ZNF521: variants seen among roughly 807,000 people sequenced by gnomAD.
ZNF521 encodes zinc finger protein 521.
Under a neutral mutation model 105.5 loss-of-function variants are expected in ZNF521, and 14 were observed. That is an observed-to-expected ratio of 0.13 (90% confidence interval 0.09 to 0.21). The LOEUF (loss-of-function observed/expected upper bound fraction) is 0.21, where lower values mean the gene tolerates loss of function less well. ZNF521 is among the 10% of genes least tolerant of loss of function. ZNF521 has a pLI of 1.00. For missense variants in ZNF521, 1,233 were observed against 1,629.7 expected (o/e 0.76, Z 4.19); for synonymous variants, 635 against 606.0 (o/e 1.05, Z -0.70).
At chr18:25,270,801 C>A (rs1243844079) in intron 3 of ZNF521, among the ~76,000 whole-genome samples, 4 of 152,080 alleles carry the variant, frequency 2.6e-5, no homozygotes, top group African/African-American at 9.7e-5. Flanking sequence ...CTATTTATGA[C>A]AAGCCCACAG....
intron 4 of ZNF521, among the ~76,000 whole-genome samples, chr18:25,218,503 A>C (rs1211331064): frequency 6.6e-6 from 1 of 151,034 alleles, no homozygotes; most frequent in African/African-American, 2.4e-5. Context: ...AAAAAAAAAA[A>C]AAAATTAGCT....
chr18:25,109,436 A>G (rs1289192424), intron 5 of ZNF521, among the ~76,000 whole-genome samples: 1 of 152,228 alleles, frequency 6.6e-6, no homozygotes, highest in Non-Finnish European at 1.5e-5. Context: ...GTGTCTTTTT[A>G]TATGATTTCT....
At chr18:25,068,057 A>C (rs2033116949) in intron 7 of ZNF521, among the ~76,000 whole-genome samples, 1 of 152,234 alleles carries the variant, frequency 6.6e-6, no homozygotes, top group African/African-American at 2.4e-5. Flanking sequence ...AAAAAAAATA[A>C]CAAGCTTTCC....
In ZNF521 at chr18:25,225,995, A is replaced by G. The variant is rs531225707; in HGVS notation, c.1923T>C (p.Ala641=). 1.2e-6 allele frequency: 2 copies of G among 1,614,210 alleles called. No homozygotes were observed. Among genetic ancestry groups the G allele is most frequent in the African/African-American group, 1.3e-5 (1 of 75,050 alleles). Residue 641 remains alanine (A), a synonymous_variant, in exon 4 of 8, where the codon GCT becomes GCC. Transcript: ENST00000361524. This position sits in a 1 kb window ranked among gnomAD's most constrained non-coding sequence, Gnocchi z 5.6. ...TGEYICNQCG[A]KYTSLDSFQT... is the part of the protein sequence containing the mutation. ...GAAAGCTGTCTAGGGATGTGTACTTAGCACCACATTGATTACAGATATATT... is the reference window on the plus strand; with the variant it reads ...GAAAGCTGTCTAGGGATGTGTACTTGGCACCACATTGATTACAGATATATT...
chr18:25,288,163 T>C (rs1244095891), intron 3 of ZNF521, among the ~76,000 whole-genome samples: 1 of 152,152 alleles, frequency 6.6e-6, no homozygotes, highest in East Asian at 1.9e-4. Context: ...TTTGCATCCA[T>C]AGAAATTTCA....
At chr18:25,117,543 A>G (rs2034353622) in intron 5 of ZNF521, among the ~76,000 whole-genome samples, 1 of 152,184 alleles carries the variant, frequency 6.6e-6, no homozygotes, top group South Asian at 2.1e-4. Context: ...TATATTCTTC[A>G]TGAATGAAAA....
intron 4 of ZNF521, 90 bp downstream of exon 4, chr18:25,224,255 A>G: frequency 8.2e-7 from 1 of 1,216,458 alleles, no homozygotes; most frequent in Non-Finnish European, 1.2e-6. Flanking sequence ...TTGGCCCATG[A>G]CAATAAATAA....
Position 25,224,935 on chromosome 18 carries a change from T to G in ZNF521, c.2983A>C (p.Met995Leu). 1 of 1,614,052 alleles carries G rather than the reference T, an allele frequency of 6.2e-7. No individual in the cohort carries two copies. The highest frequency in any genetic ancestry group is 2.2e-5 in the East Asian group (1 of 44,862). Residue 995 changes from methionine (M) to leucine (L), a missense_variant, in exon 4 of 8, where the codon ATG (methionine) becomes CTG (leucine). This residue lies in a region of ZNF521 where 614 missense variants were observed against 751.5 expected (regional missense o/e 0.82). Transcript: ENST00000361524. ...LDTGNCRICK[M>L]PLQSEEEFLE... ...AACTCCTCTTCACTCTGGAGAGGCA[T>G]CTTGCAAATCCGGCAGTTTCCAGTA...
In ZNF521 at chr18:25,227,757, C is replaced by G. The variant is rs1213826376; in HGVS notation, c.221-60G>C. The G allele has an allele frequency of 1.4e-6, 2 of 1,447,996 alleles. No individual in the cohort carries two copies. The highest frequency in any genetic ancestry group is 2.8e-5 in the African/African-American group (2 of 71,014). The allele number at this position is 1,447,996 out of a possible 1,614,324, so 89.7% of individuals were successfully genotyped here. On this transcript the variant is annotated intron_variant, in intron 3 of 7. Coordinates refer to ENST00000361524, the MANE Select transcript of ZNF521 (RefSeq NM_015461.3). The surrounding 1 kb of genome is among the most constrained non-coding windows in gnomAD (Gnocchi z 5.7). ...ATGTTGAGATTCAAGAGTGAGTTTA[C>G]CGTAGCATTTCAACCAGCACGCAGA...
chr18:25,110,442 C>CAAAAAAA (rs372395726), intron 5 of ZNF521, among the ~76,000 whole-genome samples: 1 of 148,880 alleles, frequency 6.7e-6, no homozygotes, highest in Non-Finnish European at 1.5e-5. Flanking sequence ...GGCAGGAGAC[C>CAAAAAAA]AAAAAAGAAA....
intron 3 of ZNF521, among the ~76,000 whole-genome samples, chr18:25,242,349 T>G (rs1245664004): frequency 1.3e-5 from 2 of 152,034 alleles, no homozygotes; most frequent in African/African-American, 4.8e-5. Context: ...AATTTTAGGG[T>G]GAAACTAAAA....
intron 5 of ZNF521, among the ~76,000 whole-genome samples, chr18:25,161,163 A>G (rs2035244385): frequency 6.6e-6 from 1 of 151,990 alleles, no homozygotes; most frequent in Admixed American, 6.6e-5. Context: ...AGTACGTCAC[A>G]CTCCCTTTGT....
intron 2 of ZNF521, among the ~76,000 whole-genome samples, chr18:25,326,094 G>A (rs1913202103): frequency 6.6e-6 from 1 of 152,148 alleles, no homozygotes; most frequent in African/African-American, 2.4e-5. Flanking sequence ...TTCTGTCCAT[G>A]TAAAAATGAG....
At position 25,226,604 on chromosome 18, in the gene ZNF521, A is replaced by G. The variant is rs1568021660; in HGVS notation, c.1314T>C (p.Ile438=). 1 of 1,614,084 alleles carries G rather than the reference A, an allele frequency of 6.2e-7. No individual in the cohort carries two copies. Among genetic ancestry groups the G allele is most frequent in the Non-Finnish European group, 8.5e-7 (1 of 1,180,022 alleles). ...GCAGGACCTCCAAGCAATACTGACAAATATGGGCCTGTTCTGGCTTATCTA... is the reference window on the plus strand; with the variant it reads ...GCAGGACCTCCAAGCAATACTGACAGATATGGGCCTGTTCTGGCTTATCTA... ...MHLDKPEQAH[I]CQYCLEVLPS... The change falls in exon 4 of 8, where the codon ATT becomes ATC. Residue 438 remains isoleucine (I), a synonymous_variant. Transcript: ENST00000361524. The surrounding 1 kb of genome is among the most constrained non-coding windows in gnomAD (Gnocchi z 4.1).
intron 5 of ZNF521, among the ~76,000 whole-genome samples, chr18:25,144,673 C>T (rs1467741072): frequency 1.3e-5 from 2 of 150,042 alleles, no homozygotes; most frequent in Admixed American, 1.3e-4. Flanking sequence ...ATGATTAAGG[C>T]TTTAAAGAAA....
chr18:25,122,829 T>C (rs569373335), intron 5 of ZNF521, among the ~76,000 whole-genome samples: 7 of 152,042 alleles, frequency 4.6e-5, no homozygotes, highest in African/African-American at 1.7e-4. Context: ...AAGTTTTAGA[T>C]CATGATGAAA....
intron 3 of ZNF521, among the ~76,000 whole-genome samples, chr18:25,291,917 T>C (rs779019328): frequency 6.6e-6 from 1 of 151,662 alleles, no homozygotes; most frequent in Non-Finnish European, 1.5e-5. Flanking sequence ...ATTTGGAAGT[T>C]CCAATCATTG....
At position 25,150,186 on chromosome 18, in the gene ZNF521, A is replaced by C. The variant is rs1052922915; in HGVS notation, c.3658+44974T>G. The stretch of plus-strand genomic sequence containing the variant: ...TCAGTGCAGTAACTCAGGAATGGAA[A>C]ACCAAACATTGTATGTTCTCACTCA... On this transcript the variant is annotated intron_variant, in intron 5 of 7. Transcript: ENST00000361524. Among the ~76,000 whole-genome samples, 5 of 152,180 alleles carry C rather than the reference A, an allele frequency of 3.3e-5. 1 individual carries two copies. The highest frequency in any genetic ancestry group is 1.2e-4 in the African/African-American group (5 of 41,452).
chr18:25,103,724 A>T (rs1490535604), intron 5 of ZNF521, among the ~76,000 whole-genome samples: 1 of 144,026 alleles, frequency 6.9e-6, no homozygotes, highest in Non-Finnish European at 1.5e-5. Context: ...TAAGTGAGAC[A>T]GTTGTTATCC....
Sources: allele counts gnomAD v4.1 joint callset (sites outside exome capture counted in the v4.1 genomes callset), GRCh38; gene constraint gnomAD v4.1.1; regional missense constraint gnomAD v4.1.1; non-coding constraint Gnocchi (gnomAD v3.1); transcripts MANE v1.5; gene names NCBI Gene and HGNC (gene_info 2026-07-23, HGNC 2026-07-21).